SLCO1B1: variants seen among roughly 807,000 people sequenced by gnomAD.
SLCO1B1 encodes OATP-2.
Under a neutral mutation model 70.1 loss-of-function variants are expected in SLCO1B1, and 81 were observed. The ratio of observed to expected loss-of-function variants is 1.16; its 90% CI spans 0.97 to 1.39. The LOEUF (loss-of-function observed/expected upper bound fraction) is 1.39, where lower values mean the gene tolerates loss of function less well. SLCO1B1 is among the 40% of genes most tolerant of loss of function. SLCO1B1 has a pLI of 0.00. For synonymous variants in SLCO1B1, 283 were observed against 271.5 expected (o/e 1.04, Z -0.42); for missense variants, 895 against 799.6 (o/e 1.12, Z -1.44).
chr12:21,201,605 A>G (rs974537814), intron 9 of SLCO1B1, among the ~76,000 whole-genome samples: 1 of 152,138 alleles, frequency 6.6e-6, no homozygotes, highest in Non-Finnish European at 1.5e-5. Context: ...AGCTCTGGGC[A>G]GATTTAGTGT....
intron 2 of SLCO1B1, among the ~76,000 whole-genome samples, chr12:21,150,273 A>G (rs1323865439): frequency 2.0e-5 from 3 of 150,886 alleles, no homozygotes; most frequent in Non-Finnish European, 4.4e-5. Flanking sequence ...CAGCTTCAGC[A>G]GACTTAAACT....
At chr12:21,138,252 A>C (rs113011104) in intron 1 of SLCO1B1, among the ~76,000 whole-genome samples, 5 of 152,308 alleles carry the variant, frequency 3.3e-5, no homozygotes, top group African/African-American at 1.2e-4. Context: ...AGCTTGACAC[A>C]GATAAGTAGA....
chr12:21,143,653 T>C (rs752120573), intron 2 of SLCO1B1, among the ~76,000 whole-genome samples: 4 of 152,042 alleles, frequency 2.6e-5, no homozygotes, highest in Non-Finnish European at 5.9e-5. Context: ...ATTGGTACAC[T>C]GAAGGTCTGA....
chr12:21,219,719 G>T (rs1430180939), intron 12 of SLCO1B1, among the ~76,000 whole-genome samples: 1 of 151,920 alleles, frequency 6.6e-6, no homozygotes, highest in African/African-American at 2.4e-5. Context: ...ATGAGTAAAT[G>T]AAACAAATAT....
chr12:21,214,062 C>T lies in SLCO1B1; in HGVS notation c.1498-3057C>T, dbSNP rs562328256. On this transcript the variant is annotated intron_variant, in intron 11 of 14. Transcript: ENST00000256958. ...GATCGTCTGAAGCCTTCTCTCAGCT[C>T]GTCAAAGTCATTCTCCATCCAGCTT... Among the ~76,000 whole-genome samples, 80 of 152,250 alleles carry T rather than the reference C, an allele frequency of 5.3e-4. No homozygotes were observed. In the East Asian group the frequency reaches 0.014, roughly 27 times the overall value.
intron 11 of SLCO1B1, among the ~76,000 whole-genome samples, chr12:21,216,075 A>G (rs1198477052): frequency 6.6e-6 from 1 of 152,146 alleles, no homozygotes; most frequent in East Asian, 1.9e-4. Flanking sequence ...ACAAGACATA[A>G]TCTTCATTAT....
At chr12:21,168,582 G>C (rs1205626894) in intron 2 of SLCO1B1, among the ~76,000 whole-genome samples, 1 of 152,108 alleles carries the variant, frequency 6.6e-6, no homozygotes. Flanking sequence ...TGGCTTTTCT[G>C]ATGGTTGTGG....
At chr12:21,235,261 A>G (rs528847613) in intron 14 of SLCO1B1, among the ~76,000 whole-genome samples, 2 of 151,486 alleles carry the variant, frequency 1.3e-5, no homozygotes, top group South Asian at 2.1e-4. Context: ...GATTAGTTAA[A>G]TCTTGTTGAA....
Position 21,141,590 on chromosome 12 carries a change from C to T in SLCO1B1, c.16C>T (p.His6Tyr). ...TATTTCAATCATGGACCAAAATCAA[C>T]ATTTGAATAAAACAGCAGAGGCACA... MDQNQ[H>Y]LNKTAEAQPS... is the part of the protein sequence containing the mutation. The change falls in exon 2 of 15, where the codon CAT becomes TAT. Residue 6 changes from histidine (H) to tyrosine (Y), a missense_variant. His to Tyr is a moderately conservative substitution (Grantham distance 83). Transcript: ENST00000256958. 1 of 1,607,112 alleles carries T rather than the reference C, an allele frequency of 6.2e-7. No individual in the cohort carries two copies. Among genetic ancestry groups the T allele is most frequent in the Non-Finnish European group, 8.5e-7 (1 of 1,174,868 alleles).
Position 21,206,030 on chromosome 12 carries a change from T to G in SLCO1B1, c.1494T>G (p.Pro498=), listed in dbSNP as rs1184275708. 1.2e-6 allele frequency: 2 copies of G among 1,610,682 alleles called. No individual in the cohort carries two copies. Among genetic ancestry groups the G allele is most frequent in the Non-Finnish European group, 1.7e-6 (2 of 1,177,354 alleles). ...GCKSSSGNKK[P]IVFYNCSCLE... is the part of the protein sequence containing the mutation. Reference sequence around the variant, plus strand: ...AATCTTCAAGTGGCAATAAAAAGCCTATAGTGAGTATTAGTTTTTACTTTC... The same window carrying G: ...AATCTTCAAGTGGCAATAAAAAGCCGATAGTGAGTATTAGTTTTTACTTTC... Residue 498 remains proline (P), a synonymous_variant, in exon 11 of 15, where the codon CCT becomes CCG. Coordinates refer to ENST00000256958, the MANE Select transcript of SLCO1B1 (RefSeq NM_006446.5).
chr12:21,206,056 C>G, intron 11 of SLCO1B1, 23 bp downstream of exon 11: 1 of 1,594,446 alleles, frequency 6.3e-7, no homozygotes, highest in South Asian at 1.1e-5. Flanking sequence ...TTTTACTTTC[C>G]TCTCCTTATT....
intron 11 of SLCO1B1, among the ~76,000 whole-genome samples, chr12:21,209,873 G>A (rs565911756): frequency 6.6e-6 from 1 of 152,166 alleles, no homozygotes; most frequent in South Asian, 2.1e-4. Flanking sequence ...AGAAGTGTCT[G>A]TTCATGTCCT....
chr12:21,166,482 T>C (rs150396136), intron 2 of SLCO1B1, among the ~76,000 whole-genome samples: 443 of 152,260 alleles, frequency 2.9e-3, no homozygotes, highest in Non-Finnish European at 4.5e-3. Flanking sequence ...GGATGATATC[T>C]GAACAGATGC....
rs762716959 is a variant in SLCO1B1 at position 21,147,171 on chromosome 12, C to T, written c.84+5513C>T. On this transcript the variant is annotated intron_variant, in intron 2 of 14. Coordinates refer to ENST00000256958, the MANE Select transcript of SLCO1B1 (RefSeq NM_006446.5). The stretch of plus-strand genomic sequence containing the variant: ...GACCCCTTTAACATTTTGTAATGCC[C>T]CGTTTTTACCTCTGTTAATTTCCTT... 4.0e-4 allele frequency among the ~76,000 whole-genome samples: 61 copies of T among 152,172 alleles called. 1 individual carries two copies. Among genetic ancestry groups the T allele is most frequent in the Non-Finnish European group, 5.3e-4 (36 of 68,000 alleles).
intron 12 of SLCO1B1, among the ~76,000 whole-genome samples, chr12:21,217,581 C>T (rs189171981): frequency 9.9e-4 from 151 of 152,206 alleles, no homozygotes; most frequent in Middle Eastern, 3.4e-3. Flanking sequence ...GTAAAAGAAT[C>T]GCCCTAGGAT....
chr12:21,222,232 G>T, intron 12 of SLCO1B1, 68 bp from the exon 13 acceptor site: 3 of 733,852 alleles, frequency 4.1e-6, no homozygotes, highest in South Asian at 4.0e-5. Context: ...CACAGGAGAA[G>T]GTTTAATGTT....
intron 14 of SLCO1B1, among the ~76,000 whole-genome samples, chr12:21,233,738 T>G (rs1417981555): frequency 6.6e-6 from 1 of 152,174 alleles, no homozygotes; most frequent in Non-Finnish European, 1.5e-5. Flanking sequence ...CCAGGAACTA[T>G]TTCTCCATTG....
chr12:21,228,003 A>G (rs1941498274), intron 14 of SLCO1B1, among the ~76,000 whole-genome samples: 1 of 152,102 alleles, frequency 6.6e-6, no homozygotes, highest in Non-Finnish European at 1.5e-5. Context: ...TGTACTATAT[A>G]TATTTAATAT....
At chr12:21,194,405 T>C (rs1206432685) in intron 7 of SLCO1B1, among the ~76,000 whole-genome samples, 1 of 151,668 alleles carries the variant, frequency 6.6e-6, no homozygotes, top group African/African-American at 2.4e-5. Context: ...ATTTTAATTA[T>C]TTATTATTAT....
Sources: allele counts gnomAD v4.1 joint callset (sites outside exome capture counted in the v4.1 genomes callset), GRCh38; gene constraint gnomAD v4.1.1; transcripts MANE v1.5; gene names NCBI Gene and HGNC (gene_info 2026-07-23, HGNC 2026-07-21).